MOB3B: variants seen among roughly 807,000 people sequenced by gnomAD.
MOB3B encodes the protein MOB kinase activator-like 2B.
In MOB3B, 7 loss-of-function variants were observed where a neutral mutation model predicts 18.7. That is an observed-to-expected ratio of 0.37 (90% CI 0.21 to 0.70). The LOEUF (loss-of-function observed/expected upper bound fraction) is 0.70, where lower values mean the gene tolerates loss of function less well. Ranked by LOEUF, MOB3B falls within the 30% of genes least tolerant of loss-of-function variation. MOB3B has a pLI of 0.52. For missense variants in MOB3B, 253 were observed against 281.3 expected (o/e 0.90, Z 0.72); for synonymous variants, 111 against 99.9 (o/e 1.11, Z -0.66).
At chr9:27,347,565 A>G (rs13283985) in intron 3 of MOB3B, among the ~76,000 whole-genome samples, 17,385 of 152,218 alleles carry the variant, frequency 0.11, 2,622 homozygotes, top group African/African-American at 0.35. Context: ...AGCAGGGGGT[A>G]ACAAAAACAC....
At chr9:27,512,122 G>A (rs1280394420) in intron 1 of MOB3B, among the ~76,000 whole-genome samples, 1 of 152,174 alleles carries the variant, frequency 6.6e-6, no homozygotes, top group Non-Finnish European at 1.5e-5. Context: ...CCACATGGAA[G>A]ATGGCGGGGC....
In MOB3B at chr9:27,408,729, C is replaced by T. The variant is rs551945411; in HGVS notation, c.418+46404G>A. Among the ~76,000 whole-genome samples the T allele has an allele frequency of 1.5e-4, 23 of 152,258 alleles. No homozygotes were observed. In the East Asian group the frequency reaches 4.3e-3, roughly 28 times the overall value. On this transcript the variant is annotated intron_variant, in intron 2 of 3. Coordinates refer to ENST00000262244, the MANE Select transcript of MOB3B (RefSeq NM_024761.5). The stretch of plus-strand genomic sequence containing the variant: ...ATAACTCCTGGTTCTCCTCTCCCGC[C>T]TCTGGCCCCCCAGCGTTATTGCCAG...
At chr9:27,447,713 G>A (rs1310353343) in intron 2 of MOB3B, among the ~76,000 whole-genome samples, 1 of 152,182 alleles carries the variant, frequency 6.6e-6, no homozygotes, top group Non-Finnish European at 1.5e-5. Flanking sequence ...TTGAGCAGGG[G>A]TGGTTATTTA....
chr9:27,376,705 T>G (rs1026760931), intron 2 of MOB3B, among the ~76,000 whole-genome samples: 7 of 152,244 alleles, frequency 4.6e-5, no homozygotes. Flanking sequence ...GAAGTGATTC[T>G]TTAAGTGTGG....
intron 2 of MOB3B, among the ~76,000 whole-genome samples, chr9:27,415,865 C>T (rs976364251): frequency 2.0e-5 from 3 of 152,170 alleles, no homozygotes; most frequent in Admixed American, 6.5e-5. Flanking sequence ...AACTGCAATA[C>T]GAGTGGATTT....
intron 1 of MOB3B, among the ~76,000 whole-genome samples, chr9:27,456,578 C>T (rs1822873782): frequency 6.6e-6 from 1 of 152,172 alleles, no homozygotes; most frequent in Non-Finnish European, 1.5e-5. Context: ...TAGTCAAAGC[C>T]TTACTGTATT....
At chr9:27,368,877 C>A (rs114166424) in intron 2 of MOB3B, among the ~76,000 whole-genome samples, 1 of 152,304 alleles carries the variant, frequency 6.6e-6, no homozygotes, top group East Asian at 1.9e-4. Context: ...TACCCCTGAG[C>A]GCCACTTCTG....
At chr9:27,406,901 T>G (rs769596883) in intron 2 of MOB3B, among the ~76,000 whole-genome samples, 1 of 152,094 alleles carries the variant, frequency 6.6e-6, no homozygotes, top group African/African-American at 2.4e-5. Flanking sequence ...TGCAATGGCA[T>G]GATCTCGGCT....
chr9:27,393,838 C>A (rs1821762558), intron 2 of MOB3B, among the ~76,000 whole-genome samples: 1 of 152,012 alleles, frequency 6.6e-6, no homozygotes, highest in Non-Finnish European at 1.5e-5. Context: ...CTGTGGAAAT[C>A]CAGAATCCAA....
intron 1 of MOB3B, among the ~76,000 whole-genome samples, chr9:27,479,940 C>G (rs1343456948): frequency 6.6e-6 from 1 of 151,950 alleles, no homozygotes; most frequent in Non-Finnish European, 1.5e-5. Context: ...ATCTATAGTC[C>G]TAGCTACTTG....
chr9:27,518,797 C>A (rs1351794467), intron 1 of MOB3B, among the ~76,000 whole-genome samples: 1 of 152,194 alleles, frequency 6.6e-6, no homozygotes, highest in Non-Finnish European at 1.5e-5. Flanking sequence ...AACTTCTCAG[C>A]AGTTTTGCCT....
chr9:27,417,517 G>T (rs185299383), intron 2 of MOB3B, among the ~76,000 whole-genome samples: 55 of 152,304 alleles, frequency 3.6e-4, no homozygotes, highest in African/African-American at 1.3e-3. Flanking sequence ...CAGCTCCTCT[G>T]CTCACAGCCT....
intron 1 of MOB3B, among the ~76,000 whole-genome samples, chr9:27,522,396 T>C (rs111260757): frequency 0.027 from 3,989 of 145,458 alleles, 96 homozygotes; most frequent in Middle Eastern, 0.058. Context: ...TCAAAATTTT[T>C]GCATATATAT....
Position 27,493,684 on chromosome 9 carries a change from T to C in MOB3B, c.-199+35871A>G, listed in dbSNP as rs1819855562. On this transcript the variant is annotated intron_variant, in intron 1 of 3. Transcript: ENST00000262244. ...GGACACTTGTCACTTCCCCAATCAA[T>C]ACCCTTGTGATTTCCTATGCCTGTC... Among the ~76,000 whole-genome samples, 9 of 152,084 alleles carry C rather than the reference T, an allele frequency of 5.9e-5. No homozygotes were observed. The South Asian group carries it at 1.9e-3, about 32-fold the overall frequency.
intron 2 of MOB3B, among the ~76,000 whole-genome samples, chr9:27,359,614 T>G (rs1219391594): frequency 6.6e-6 from 1 of 152,168 alleles, no homozygotes; most frequent in East Asian, 1.9e-4. Flanking sequence ...AAATAAAACA[T>G]CTCTATAAGT....
rs975719432 is a variant in MOB3B at position 27,480,325 on chromosome 9, A to T, written c.-198-24577T>A. ...CTATTTTTTTTTTTTTTTGAGACGG[A>T]GTCTCGCTCTGTCACCCAGGCTGGA... On this transcript the variant is annotated intron_variant, in intron 1 of 3. Transcript: ENST00000262244. Among the ~76,000 whole-genome samples the T allele has an allele frequency of 2.9e-5, 4 of 139,706 alleles. No homozygotes were observed. In the Admixed American group the frequency reaches 3.0e-4, roughly 10 times the overall value. 91.7% of individuals were successfully genotyped at this position (139,706 alleles called of 152,430 possible). A position where few individuals can be genotyped will look rare whatever the true frequency, so the allele number is the denominator to read the frequency against.
intron 1 of MOB3B, among the ~76,000 whole-genome samples, chr9:27,518,113 A>T (rs1820266673): frequency 6.6e-6 from 1 of 152,220 alleles, no homozygotes; most frequent in Non-Finnish European, 1.5e-5. Context: ...TTTCTATCAT[A>T]ATACCTTTCT....
At chr9:27,502,513 G>A (rs1486666543) in intron 1 of MOB3B, among the ~76,000 whole-genome samples, 1 of 152,186 alleles carries the variant, frequency 6.6e-6, no homozygotes, top group African/African-American at 2.4e-5. Context: ...TAGTGTTTAA[G>A]CACAAAAACA....
chr9:27,328,567 A>G lies in MOB3B; in HGVS notation c.*2020T>C, dbSNP rs1820743284. 2 of 152,210 alleles carry G rather than the reference A, an allele frequency of 1.3e-5. No individual in the cohort carries two copies. Among genetic ancestry groups the G allele is most frequent in the African/African-American group, 4.8e-5 (2 of 41,450 alleles). The allele number at this position is 152,210 out of a possible 1,614,324, so 9.4% of individuals were successfully genotyped here. On this transcript the variant is annotated 3_prime_UTR_variant, in exon 4 of 4. Coordinates refer to ENST00000262244, the MANE Select transcript of MOB3B (RefSeq NM_024761.5). ...ATAACCTTAAAAAGAATGAATAACA[A>G]AGGTCTCCAGATTCCAGCCTCCTGC...
Sources: allele counts gnomAD v4.1 joint callset (sites outside exome capture counted in the v4.1 genomes callset), GRCh38; gene constraint gnomAD v4.1.1; transcripts MANE v1.5; gene names NCBI Gene and HGNC (gene_info 2026-07-23, HGNC 2026-07-21).